Variants in SAMD12 observed in about 807,000 individuals in gnomAD.
SAMD12 encodes sterile alpha motif domain containing 12, also known as sterile alpha motif domain-containing protein 12.
Under a neutral mutation model 15.0 loss-of-function variants are expected in SAMD12, and 9 were observed. That is an observed-to-expected ratio of 0.60 (90% CI 0.36 to 1.05). SAMD12 has a LOEUF of 1.05. Among genes scored for constraint, SAMD12 ranks in the 50% least tolerant of loss-of-function variants. The pLI, the probability that SAMD12 is intolerant of heterozygous loss-of-function variation, is 0.01. For synonymous variants in SAMD12, 86 were observed against 90.1 expected, an observed-to-expected ratio of 0.96 and a Z score of 0.25; for missense variants, 230 against 234.2, an observed-to-expected ratio of 0.98 and a Z score of 0.12.
chr8:118,222,811 G>A (rs1212133841), intron 4 of SAMD12, among the ~76,000 whole-genome samples: 1 of 152,136 alleles, frequency 6.6e-6, no homozygotes, highest in Non-Finnish European at 1.5e-5. Flanking sequence ...GGCCGAGGAA[G>A]TGCATTTTAA....
At chr8:118,530,588 C>T (rs185252736) in intron 2 of SAMD12, among the ~76,000 whole-genome samples, 90 of 152,132 alleles carry the variant, frequency 5.9e-4, no homozygotes, top group African/African-American at 2.1e-3. Context: ...TCCCTATAAG[C>T]TCTGTATATT....
At chr8:118,132,972 GTATATATATATATA>G in the SAMD12 span, among the ~76,000 whole-genome samples, 1,105 of 48,224 alleles carry the variant, frequency 0.023, 77 homozygotes, top group East Asian at 0.085. Flanking sequence ...GTGTGTGTGT[GTATATATATATATA>G]TATATATATA....
intron 1 of SAMD12, among the ~76,000 whole-genome samples, chr8:118,616,171 T>C (rs1430156627): frequency 6.6e-6 from 1 of 152,228 alleles, no homozygotes; most frequent in Non-Finnish European, 1.5e-5. Flanking sequence ...ATGAAGCTGC[T>C]GCAGGGATAA....
chr8:118,419,918 C>T (rs1821917122), intron 3 of SAMD12, among the ~76,000 whole-genome samples: 2 of 152,178 alleles, frequency 1.3e-5, no homozygotes, highest in Non-Finnish European at 1.5e-5. Flanking sequence ...TGTGTACCTA[C>T]CACTGGGGAA....
chr8:118,226,159 ACCAATGTTGTC>A (rs1442975612), intron 4 of SAMD12, among the ~76,000 whole-genome samples: 1 of 152,186 alleles, frequency 6.6e-6, no homozygotes, highest in African/African-American at 2.4e-5. Flanking sequence ...TACACGAGGT[ACCAATGTTGTC>A]CCCATTTAAC....
chr8:118,445,808 T>C (rs1258029549), intron 2 of SAMD12, among the ~76,000 whole-genome samples: 3 of 152,176 alleles, frequency 2.0e-5, no homozygotes, highest in Non-Finnish European at 4.4e-5. Context: ...AGACCAGTAA[T>C]GTGTAAGCAA....
At chr8:118,528,044 T>C (rs899956284) in intron 2 of SAMD12, among the ~76,000 whole-genome samples, 2 of 151,912 alleles carry the variant, frequency 1.3e-5, no homozygotes, top group African/African-American at 4.8e-5. Context: ...TTTTTTTTCC[T>C]GAGACGGAGT....
the SAMD12 span, among the ~76,000 whole-genome samples, chr8:118,175,463 C>T: frequency 2.8e-4 from 42 of 152,096 alleles, no homozygotes; most frequent in Admixed American, 1.3e-4. Context: ...ACTCCAAAAG[C>T]GATTGCAACA....
At chr8:118,553,178 C>G (rs1216627390) in intron 2 of SAMD12, among the ~76,000 whole-genome samples, 1 of 152,130 alleles carries the variant, frequency 6.6e-6, no homozygotes, top group African/African-American at 2.4e-5. Flanking sequence ...TTGGAAAAAA[C>G]TACTTTAAAG....
rs1345810944 is a variant in SAMD12 at position 118,482,535 on chromosome 8, T to C, written c.193-42574A>G. Reference sequence around the variant, plus strand: ...CCCCTTATTGTTATTCTCTAAACAATGCAGTATAGCAACTATTTATACACC... The same window carrying C: ...CCCCTTATTGTTATTCTCTAAACAACGCAGTATAGCAACTATTTATACACC... On this transcript the variant is annotated intron_variant, in intron 2 of 3. Coordinates refer to ENST00000314727, the MANE Select transcript of SAMD12 (RefSeq NM_207506.3). Among the ~76,000 whole-genome samples, 3 of 152,306 alleles carry C rather than the reference T, an allele frequency of 2.0e-5. No homozygotes were observed. In the East Asian group the frequency reaches 5.8e-4, roughly 29 times the overall value.
chr8:118,280,914 T>C (rs1813614846), intron 4 of SAMD12, among the ~76,000 whole-genome samples: 1 of 152,220 alleles, frequency 6.6e-6, no homozygotes, highest in African/African-American at 2.4e-5. Context: ...GAGTGTATTC[T>C]GCGTCCTCAA....
At chr8:118,302,293 G>A (rs2130338787) in intron 4 of SAMD12, among the ~76,000 whole-genome samples, 1 of 151,880 alleles carries the variant, frequency 6.6e-6, no homozygotes, top group Non-Finnish European at 1.5e-5. Flanking sequence ...TCTCGAATTT[G>A]TAGCCACATT....
chr8:118,484,024 T>C (rs896948509), intron 2 of SAMD12, among the ~76,000 whole-genome samples: 1 of 152,102 alleles, frequency 6.6e-6, no homozygotes, highest in East Asian at 1.9e-4. Context: ...CTAGTGGAGG[T>C]AGACAATTAA....
chr8:118,297,434 T>C (rs1475184482), intron 4 of SAMD12, among the ~76,000 whole-genome samples: 1 of 152,158 alleles, frequency 6.6e-6, no homozygotes, highest in African/African-American at 2.4e-5. Context: ...GTCACTAGAA[T>C]AGAGACACCA....
intron 3 of SAMD12, among the ~76,000 whole-genome samples, chr8:118,436,654 C>A (rs1238643078): frequency 6.6e-6 from 1 of 152,172 alleles, no homozygotes; most frequent in African/African-American, 2.4e-5. Flanking sequence ...GATACATGAA[C>A]AATCTTTTCT....
chr8:118,218,625 TG>T (rs1415104928), intron 4 of SAMD12, among the ~76,000 whole-genome samples: 1 of 152,080 alleles, frequency 6.6e-6, no homozygotes, highest in Non-Finnish European at 1.5e-5. Flanking sequence ...GTGTGGTATT[TG>T]TCTTTCGATG....
intron 4 of SAMD12, among the ~76,000 whole-genome samples, chr8:118,349,276 C>G (rs536813436): frequency 6.6e-6 from 1 of 152,176 alleles, no homozygotes; most frequent in East Asian, 1.9e-4. Flanking sequence ...ACTGAATAAT[C>G]CTTCATCGAG....
intron 1 of SAMD12, among the ~76,000 whole-genome samples, chr8:118,593,373 T>TA (rs1448775376): frequency 6.6e-6 from 1 of 152,162 alleles, no homozygotes; most frequent in Admixed American, 6.5e-5. Context: ...ATCTTGAATT[T>TA]ACCAAGAAAA....
At chr8:118,360,216 G>T (rs1013304370) in intron 4 of SAMD12, among the ~76,000 whole-genome samples, 1 of 152,118 alleles carries the variant, frequency 6.6e-6, no homozygotes, top group Non-Finnish European at 1.5e-5. Flanking sequence ...TAAGTAATAA[G>T]TATTTCAAAT....
Sources: allele counts gnomAD v4.1 joint callset (sites outside exome capture counted in the v4.1 genomes callset), GRCh38; gene constraint gnomAD v4.1.1; transcripts MANE v1.5; gene names NCBI Gene and HGNC (gene_info 2026-07-23, HGNC 2026-07-21).